The following SLCO1B1 variants were observed in gnomAD, a reference collection of about 807,000 sequenced individuals.
SLCO1B1 encodes the protein OATP-2.
A neutral mutation model predicts 70.1 loss-of-function variants in SLCO1B1; 81 were observed. The ratio of observed to expected loss-of-function variants is 1.16; its 90% CI spans 0.97 to 1.39. SLCO1B1 has a LOEUF of 1.39. SLCO1B1 is among the 40% of genes most tolerant of loss of function. The probability of loss-of-function intolerance (pLI) is 0.00; values close to 1 mark genes in which losing one functional copy is unlikely to be tolerated. For synonymous variants in SLCO1B1, 283 were observed against 271.5 expected (o/e 1.04, Z -0.42); for missense variants, 895 against 799.6 (o/e 1.12, Z -1.44).
chr12:21,153,638 CT>C (rs1332682292), intron 2 of SLCO1B1, among the ~76,000 whole-genome samples: 2 of 151,916 alleles, frequency 1.3e-5, no homozygotes, highest in Non-Finnish European at 2.9e-5. Flanking sequence ...CTTCTATGTC[CT>C]TGCTAATATT....
Position 21,196,979 on chromosome 12 carries a change from G to C in SLCO1B1, c.761G>C (p.Trp254Ser), listed in dbSNP as rs1941099660. Residue 254 changes from tryptophan to serine, a missense_variant, in exon 8 of 15, where the codon TGG (tryptophan) becomes TCG (serine). Trp to Ser is a radical substitution (Grantham distance 177). Transcript: ENST00000256958. ...AGGATAACTCCTACTGATTCTCGATGGGTTGGAGCTTGGTGGCTTAATTTC... is the reference window on the plus strand; with the variant it reads ...AGGATAACTCCTACTGATTCTCGATCGGTTGGAGCTTGGTGGCTTAATTTC... ...TIRITPTDSR[W>S]VGAWWLNFLV... 1 of 1,613,264 alleles carries C rather than the reference G, an allele frequency of 6.2e-7. No homozygotes were observed. The highest frequency in any genetic ancestry group is 8.5e-7 in the Non-Finnish European group (1 of 1,179,530).
intron 7 of SLCO1B1, among the ~76,000 whole-genome samples, chr12:21,184,545 C>T (rs1320793221): frequency 1.3e-5 from 2 of 152,110 alleles, no homozygotes; most frequent in Admixed American, 1.3e-4. Flanking sequence ...AACTAAACTC[C>T]TTCTCATACA....
intron 12 of SLCO1B1, among the ~76,000 whole-genome samples, chr12:21,219,236 T>C (rs145162967): frequency 2.0e-4 from 31 of 152,274 alleles, no homozygotes; most frequent in Middle Eastern, 3.4e-3. Context: ...AGGCAAGAGA[T>C]ACTAGTTCAG....
chr12:21,150,682 C>G lies in SLCO1B1; in HGVS notation c.84+9024C>G, dbSNP rs113122747. Among the ~76,000 whole-genome samples, 538 of 152,248 alleles carry G rather than the reference C, an allele frequency of 3.5e-3. 1 individual carries two copies. The highest frequency in any genetic ancestry group is 0.012 in the African/African-American group (504 of 41,530). ...AAAAAGGATGTCCACACAAAAACCC[C>G]ATCTGAAAGGCACCAACATCAAAGA... On this transcript the variant is annotated intron_variant, in intron 2 of 14. Coordinates refer to ENST00000256958, the MANE Select transcript of SLCO1B1 (RefSeq NM_006446.5).
Position 21,197,047 on chromosome 12 carries a change from T to C in SLCO1B1, c.829T>C (p.Phe277Leu). ...CTCCATTATTTCTTCCATACCATTC[T>C]TTTTCTTGCCCCAAACTCCAAATAA... Reference protein sequence around the residue: ...LFSIISSIPFFFLPQTPNKPQ... With the variant: ...LFSIISSIPFLFLPQTPNKPQ... Residue 277 changes from phenylalanine (F) to leucine (L), a missense_variant, in exon 8 of 15, where the codon TTT becomes CTT. Physicochemically the swap from Phe to Leu is conservative, Grantham distance 22. Transcript: ENST00000256958. 2 of 1,613,788 alleles carry C rather than the reference T, an allele frequency of 1.2e-6. No individual in the cohort carries two copies. Among genetic ancestry groups the C allele is most frequent in the Non-Finnish European group, 1.7e-6 (2 of 1,179,768 alleles).
intron 2 of SLCO1B1, among the ~76,000 whole-genome samples, chr12:21,142,155 C>A (rs1338000184): frequency 6.6e-6 from 1 of 151,356 alleles, no homozygotes; most frequent in Non-Finnish European, 1.5e-5. Context: ...TAGTCAAAAA[C>A]TTGGCCAAAA....
chr12:21,219,563 A>T (rs1382721173), intron 12 of SLCO1B1, among the ~76,000 whole-genome samples: 2 of 152,212 alleles, frequency 1.3e-5, no homozygotes, highest in Non-Finnish European at 2.9e-5. Context: ...GCCTTACATA[A>T]CTAGAAGATC....
chr12:21,230,991 G>C (rs1344275620), intron 14 of SLCO1B1, among the ~76,000 whole-genome samples: 1 of 106,172 alleles, frequency 9.4e-6, no homozygotes, highest in Admixed American at 1.4e-4. Flanking sequence ...CCCCACGACA[G>C]GCCCCAGTGT....
rs1349385875 is a variant in SLCO1B1, at chr12:21,174,433, G to T, written c.227-144G>T. Reference sequence around the variant, plus strand: ...CTTTTCAATGAGTGGTCTAATGTAGGTGAATTCACCTTCTCAATTAAATCA... The same window carrying T: ...CTTTTCAATGAGTGGTCTAATGTAGTTGAATTCACCTTCTCAATTAAATCA... On this transcript the variant is annotated intron_variant, in intron 3 of 14. Coordinates refer to ENST00000256958, the MANE Select transcript of SLCO1B1 (RefSeq NM_006446.5). 3.2e-5 allele frequency: 24 copies of T among 758,958 alleles called. No homozygotes were observed. The Admixed American group carries it at 5.4e-4, about 17-fold the overall frequency. 47.0% of individuals were successfully genotyped at this position (758,958 alleles called of 1,614,324 possible). A position where few individuals can be genotyped will look rare whatever the true frequency, so the allele number is the denominator to read the frequency against.
chr12:21,159,836 A>G (rs1452021481), intron 2 of SLCO1B1, among the ~76,000 whole-genome samples: 4 of 152,108 alleles, frequency 2.6e-5, no homozygotes, highest in African/African-American at 9.7e-5. Context: ...ACAACAGCCA[A>G]ACCGAGAGCC....
intron 3 of SLCO1B1, among the ~76,000 whole-genome samples, chr12:21,173,921 C>T (rs1940787379): frequency 6.6e-6 from 1 of 151,922 alleles, no homozygotes; most frequent in Admixed American, 6.6e-5. Flanking sequence ...CTATGCCCGG[C>T]TAATTTTTTG....
At chr12:21,188,765 C>T (rs1433633815) in intron 7 of SLCO1B1, among the ~76,000 whole-genome samples, 1 of 152,162 alleles carries the variant, frequency 6.6e-6, no homozygotes, top group Admixed American at 6.6e-5. Context: ...TGACTAACAA[C>T]TCCCTGCTTC....
chr12:21,183,932 A>G (rs1352164831), intron 7 of SLCO1B1, among the ~76,000 whole-genome samples: 1 of 152,162 alleles, frequency 6.6e-6, no homozygotes, highest in Non-Finnish European at 1.5e-5. Flanking sequence ...AAAAAATACT[A>G]CATGGATTTG....
At chr12:21,234,084 GTC>G (rs1268445870) in intron 14 of SLCO1B1, among the ~76,000 whole-genome samples, 1 of 152,298 alleles carries the variant, frequency 6.6e-6, no homozygotes, top group Admixed American at 6.5e-5. Flanking sequence ...ATTCAAATCA[GTC>G]TCTCTGAGAA....
rs1941043064 is a variant in SLCO1B1 at position 21,192,557 on chromosome 12, C to T, written c.728-4389C>T. On this transcript the variant is annotated intron_variant, in intron 7 of 14. Coordinates refer to ENST00000256958, the MANE Select transcript of SLCO1B1 (RefSeq NM_006446.5). ...ACACTTAGTTGTGTTGATATTTTTT[C>T]TAATGTTTTTTTTTCCATATTCTTT... is the stretch of plus-strand genomic sequence containing the variant. 2.0e-5 allele frequency among the ~76,000 whole-genome samples: 3 copies of T among 151,386 alleles called. No individual in the cohort carries two copies. The South Asian group carries it at 6.2e-4, about 31-fold the overall frequency.
intron 2 of SLCO1B1, among the ~76,000 whole-genome samples, chr12:21,145,499 T>TTTTA (rs1253576252): frequency 1.4e-5 from 2 of 139,256 alleles, no homozygotes; most frequent in Non-Finnish European, 3.2e-5. Flanking sequence ...TTTTTTTTTT[T>TTTTA]AGTAGAGATG....
At chr12:21,159,304 T>C (rs934092617) in intron 2 of SLCO1B1, among the ~76,000 whole-genome samples, 2 of 152,062 alleles carry the variant, frequency 1.3e-5, no homozygotes, top group African/African-American at 4.8e-5. Flanking sequence ...AGAGTTTAAA[T>C]AGCATAAAAT....
At chr12:21,201,677 G>A (rs1346878712) in intron 9 of SLCO1B1, among the ~76,000 whole-genome samples, 1 of 152,102 alleles carries the variant, frequency 6.6e-6, no homozygotes, top group African/African-American at 2.4e-5. Flanking sequence ...AAGTTCCATA[G>A]GCAGAAAGAT....
chr12:21,214,375 G>A (rs1941329975), intron 11 of SLCO1B1, among the ~76,000 whole-genome samples: 1 of 150,064 alleles, frequency 6.7e-6, no homozygotes, highest in South Asian at 2.1e-4. Flanking sequence ...AGGCTGCTCA[G>A]GGGTCAGGGG....
Sources: allele counts gnomAD v4.1 joint callset (sites outside exome capture counted in the v4.1 genomes callset), GRCh38; gene constraint gnomAD v4.1.1; transcripts MANE v1.5; gene names NCBI Gene and HGNC (gene_info 2026-07-23, HGNC 2026-07-21).